Variants in FAM13A observed in about 807,000 individuals in gnomAD.
The protein encoded by FAM13A is protein FAM13A.
Under a neutral mutation model 129.6 loss-of-function variants are expected in FAM13A, and 76 were observed. The observed-to-expected ratio is 0.59, with a 90% CI of 0.49 to 0.71. FAM13A has a LOEUF of 0.71. FAM13A is among the 30% of genes least tolerant of loss of function. FAM13A has a pLI of 0.00. For synonymous variants in FAM13A, 443 were observed against 449.9 expected (o/e 0.98, Z 0.20); for missense variants, 1,108 against 1,249.3 (o/e 0.89, Z 1.70).
chr4:89,050,400 T>C (rs1771429346), intron 1 of FAM13A, among the ~76,000 whole-genome samples: 1 of 151,776 alleles, frequency 6.6e-6, no homozygotes, highest in Admixed American at 6.6e-5. Context: ...GAGATGGGGT[T>C]TTGTCATGTT....
At chr4:89,007,494 G>A (rs1456121096) in intron 3 of FAM13A, among the ~76,000 whole-genome samples, 1 of 152,148 alleles carries the variant, frequency 6.6e-6, no homozygotes, top group African/African-American at 2.4e-5. Context: ...TCACATACCT[G>A]TAGCCCCTGC....
Position 88,787,865 on chromosome 4 carries a change from G to C in FAM13A, c.1159C>G (p.Gln387Glu). Residue 387 changes from glutamine (Q) to glutamate (E), a missense_variant, in exon 10 of 24, where the codon CAA (glutamine) becomes GAA (glutamate). Physicochemically the swap from Gln to Glu is conservative, Grantham distance 29. Transcript: ENST00000264344. The part of the protein sequence containing the change: ...HLFDVNNSGG[Q>E]SSEDSESGTL... ...CCAGATTCTGAGTCCTCTGAACTTT[G>C]ACCTCCAGAGTTATTAACATCAAAA... 3 of 1,613,544 alleles carry C rather than the reference G, an allele frequency of 1.9e-6. No homozygotes were observed. The highest frequency in any genetic ancestry group is 1.7e-6 in the Non-Finnish European group (2 of 1,179,670).
At chr4:88,903,191 T>C (rs1056675003) in intron 6 of FAM13A, among the ~76,000 whole-genome samples, 1 of 152,196 alleles carries the variant, frequency 6.6e-6, no homozygotes, top group African/African-American at 2.4e-5. Context: ...AAGTAGTTTA[T>C]AGATTCAATG....
At chr4:88,881,418 G>A (rs1743539343) in intron 6 of FAM13A, among the ~76,000 whole-genome samples, 1 of 152,156 alleles carries the variant, frequency 6.6e-6, no homozygotes, top group African/African-American at 2.4e-5. Context: ...ACATCCTTAG[G>A]GGAAGGGGGA....
intron 4 of FAM13A, among the ~76,000 whole-genome samples, chr4:88,979,257 G>C (rs1376009906): frequency 6.6e-6 from 1 of 152,230 alleles, no homozygotes; most frequent in African/African-American, 2.4e-5. Flanking sequence ...CTCACAGCAT[G>C]AACTGGTGTG....
intron 1 of FAM13A, among the ~76,000 whole-genome samples, chr4:89,041,597 AT>A (rs1770137724): frequency 6.6e-6 from 1 of 152,154 alleles, no homozygotes; most frequent in South Asian, 2.1e-4. Context: ...TTGATTAAAA[AT>A]TTCTTTGTGG....
intron 19 of FAM13A, among the ~76,000 whole-genome samples, chr4:88,741,086 C>T (rs1375199444): frequency 6.6e-6 from 1 of 152,192 alleles, no homozygotes; most frequent in Non-Finnish European, 1.5e-5. Context: ...GAGTGAAACA[C>T]TTTGGAAAAC....
intron 7 of FAM13A, among the ~76,000 whole-genome samples, chr4:88,834,210 C>CAAA (rs200267316): frequency 7.6e-6 from 1 of 132,194 alleles, no homozygotes; most frequent in Non-Finnish European, 1.7e-5. Flanking sequence ...CCATGCCTGG[C>CAAA]AAAAAAAAAA....
At chr4:89,025,754 G>C (rs77587354) in intron 2 of FAM13A, among the ~76,000 whole-genome samples, 1 of 152,070 alleles carries the variant, frequency 6.6e-6, no homozygotes, top group African/African-American at 2.4e-5. Flanking sequence ...AAAAGATTCA[G>C]AACAGTGTGC....
chr4:88,747,796 G>C lies in FAM13A; in HGVS notation c.2217C>G (p.Ser739Arg). ...AACCAAAACTCTTGGGGAGTGTGTT[G>C]CTTCGCTGCCGCATCCTGGGAGTTA... ...EDLTPRMRQR[S>R]NTLPKSFGSQ... Residue 739 changes from serine to arginine, a missense_variant, in exon 18 of 24, where the codon AGC becomes AGG. By Grantham distance (110) the Ser-to-Arg change is moderately radical. Transcript: ENST00000264344. The C allele has an allele frequency of 1.2e-6, 2 of 1,614,174 alleles. No individual in the cohort carries two copies. The highest frequency in any genetic ancestry group is 1.7e-6 in the Non-Finnish European group (2 of 1,180,004).
At chr4:88,869,253 A>T (rs1254511059) in intron 6 of FAM13A, among the ~76,000 whole-genome samples, 1 of 152,232 alleles carries the variant, frequency 6.6e-6, no homozygotes, top group Non-Finnish European at 1.5e-5. Flanking sequence ...TACAGAAGCC[A>T]GATTTATATT....
intron 4 of FAM13A, among the ~76,000 whole-genome samples, chr4:88,987,838 C>CAGAAAAAAAAAAA (rs1762435132): frequency 1.4e-5 from 1 of 71,188 alleles, no homozygotes; most frequent in African/African-American, 5.9e-5. Context: ...AGACTCCTCT[C>CAGAAAAAAAAAAA]AAAAAAAAAA....
chr4:88,868,131 A>C (rs570198345), intron 6 of FAM13A, among the ~76,000 whole-genome samples: 46 of 152,316 alleles, frequency 3.0e-4, no homozygotes, highest in Admixed American at 2.1e-3. Flanking sequence ...TTTCTAATCA[A>C]TAAATATGCT....
chr4:88,783,395 G>T (rs1723337862), intron 10 of FAM13A, among the ~76,000 whole-genome samples: 2 of 152,004 alleles, frequency 1.3e-5, no homozygotes, highest in African/African-American at 2.4e-5. Flanking sequence ...GACCTCCCAG[G>T]TTCAAGCAAT....
Position 88,749,776 on chromosome 4 carries a change from ACTTCTTCT to A in FAM13A, c.2066_2073del (p.Glu689ValfsTer7). 2 of 1,614,032 alleles carry A rather than the reference ACTTCTTCT, an allele frequency of 1.2e-6. No homozygotes were observed. Among genetic ancestry groups the A allele is most frequent in the Non-Finnish European group, 1.7e-6 (2 of 1,179,942 alleles). ...CAGTGTGAGGGGACACTTACTCTGT[ACTTCTTCT>A]CTTCTTCGAATCTATCTTCAAACTT... On this transcript the variant is annotated frameshift_variant, in exon 16 of 24. Transcript: ENST00000264344. LOFTEE classifies it high-confidence loss of function.
chr4:88,750,513 A>T lies in FAM13A; in HGVS notation c.1851T>A (p.Ser617=), dbSNP rs1742341953. The change falls in exon 15 of 24, where the codon TCT becomes TCA. Residue 617 remains serine, a synonymous_variant. Coordinates refer to ENST00000264344, the MANE Select transcript of FAM13A (RefSeq NM_014883.4). ...TCTGCCCATAAGCGTAGAACCGAGG[A>T]GAGAGCATGGGGTCGCTGTCTTCGT... is the stretch of plus-strand genomic sequence containing the variant. ...LLDEDSDPML[S]PRFYAYGQSR... 8 of 1,614,006 alleles carry T rather than the reference A, an allele frequency of 5.0e-6. No homozygotes were observed. The African/African-American group carries it at 1.1e-4, about 22-fold the overall frequency.
intron 3 of FAM13A, among the ~76,000 whole-genome samples, chr4:89,007,295 C>G (rs1765173086): frequency 6.6e-6 from 1 of 152,182 alleles, no homozygotes; most frequent in Non-Finnish European, 1.5e-5. Flanking sequence ...GCTAAAAGGA[C>G]AGCTTCCATC....
rs1479307158 is a variant in FAM13A, at chr4:88,732,010, A to G, written c.2835T>C (p.Ala945=). The part of the protein sequence containing the change: ...SQDTGLSNLH[A]ASIPELLEHL... ...CCACCAAAATGACATACATTGAGGC[A>G]GCATGGAGATTTGAAAGCCCTGTGT... Residue 945 remains alanine (A), a synonymous_variant, in exon 22 of 24, where the codon GCT becomes GCC. Coordinates refer to ENST00000264344, the MANE Select transcript of FAM13A (RefSeq NM_014883.4). 1 of 1,610,686 alleles carries G rather than the reference A, an allele frequency of 6.2e-7. No individual in the cohort carries two copies. The highest frequency in any genetic ancestry group is 8.5e-7 in the Non-Finnish European group (1 of 1,178,312).
chr4:89,027,378 C>T (rs1386422883), intron 2 of FAM13A, among the ~76,000 whole-genome samples: 1 of 152,016 alleles, frequency 6.6e-6, no homozygotes, highest in Non-Finnish European at 1.5e-5. Flanking sequence ...TACAGTGCCA[C>T]ATGCCTGTAT....
Sources: allele counts gnomAD v4.1 joint callset (sites outside exome capture counted in the v4.1 genomes callset), GRCh38; gene constraint gnomAD v4.1.1; transcripts MANE v1.5; gene names NCBI Gene and HGNC (gene_info 2026-07-23, HGNC 2026-07-21).